Variants in RCAN2 observed in about 807,000 individuals in gnomAD.
RCAN2 encodes the protein calcipressin-2.
A neutral mutation model predicts 23.6 loss-of-function variants in RCAN2; 9 were observed. That is an observed-to-expected ratio of 0.38 (90% CI 0.23 to 0.67). The LOEUF (loss-of-function observed/expected upper bound fraction) is 0.67, where lower values mean the gene tolerates loss of function less well. Among genes scored for constraint, RCAN2 ranks in the 30% least tolerant of loss-of-function variants. The probability of loss-of-function intolerance (pLI) is 0.51; values close to 1 mark genes in which losing one functional copy is unlikely to be tolerated. For missense variants in RCAN2, 273 were observed against 302.3 expected, an observed-to-expected ratio of 0.90 and a Z score of 0.72; for synonymous variants, 109 against 115.7, an observed-to-expected ratio of 0.94 and a Z score of 0.37.
chr6:46,252,847 G>A (rs905403738), intron 2 of RCAN2, among the ~76,000 whole-genome samples: 3 of 152,082 alleles, frequency 2.0e-5, no homozygotes, highest in Non-Finnish European at 2.9e-5. Flanking sequence ...CCAAATATGC[G>A]GTTGGAAAAG....
intron 1 of RCAN2, among the ~76,000 whole-genome samples, chr6:46,461,028 A>T (rs1236034958): frequency 6.6e-6 from 1 of 152,218 alleles, no homozygotes; most frequent in Non-Finnish European, 1.5e-5. Context: ...AATAGCAAAA[A>T]TAACATTAAT....
intron 4 of RCAN2, among the ~76,000 whole-genome samples, chr6:46,239,227 C>CTA (rs1377207539): frequency 3.3e-5 from 5 of 152,190 alleles, no homozygotes; most frequent in Non-Finnish European, 7.4e-5. Context: ...AAAATCATAG[C>CTA]TATTTGGTAG....
At chr6:46,448,533 A>C (rs1042134187) in intron 2 of RCAN2, among the ~76,000 whole-genome samples, 5 of 151,868 alleles carry the variant, frequency 3.3e-5, no homozygotes, top group Non-Finnish European at 7.4e-5. Flanking sequence ...AAGACAAGAA[A>C]ATTATAGACC....
chr6:46,299,686 T>G (rs999243413), intron 2 of RCAN2, among the ~76,000 whole-genome samples: 1 of 152,038 alleles, frequency 6.6e-6, no homozygotes, highest in African/African-American at 2.4e-5. Context: ...TCAACTTATT[T>G]GACTTCTCTG....
intron 4 of RCAN2, among the ~76,000 whole-genome samples, chr6:46,244,721 C>T (rs1241239525): frequency 6.6e-6 from 1 of 152,218 alleles, no homozygotes; most frequent in African/African-American, 2.4e-5. Context: ...CAAATCAGCT[C>T]CCTGCTTCGC....
intron 2 of RCAN2, among the ~76,000 whole-genome samples, chr6:46,393,273 C>A (rs1765986519): frequency 6.6e-6 from 1 of 152,094 alleles, no homozygotes; most frequent in African/African-American, 2.4e-5. Context: ...AAAGCTGAGG[C>A]TAAAACTAAC....
intron 2 of RCAN2, among the ~76,000 whole-genome samples, chr6:46,420,292 T>A (rs1766843177): frequency 6.6e-6 from 1 of 152,160 alleles, no homozygotes. Context: ...TAATACAGAC[T>A]ACCGTGTGCA....
At chr6:46,467,994 G>A (rs932660250) in intron 1 of RCAN2, among the ~76,000 whole-genome samples, 1 of 152,112 alleles carries the variant, frequency 6.6e-6, no homozygotes, top group Non-Finnish European at 1.5e-5. Context: ...TTTACTTTGT[G>A]ATTTTCTGCA....
chr6:46,417,218 C>T (rs921680597), intron 2 of RCAN2, among the ~76,000 whole-genome samples: 9 of 152,096 alleles, frequency 5.9e-5, no homozygotes, highest in South Asian at 2.1e-4. Flanking sequence ...CAGAAAGGTA[C>T]CAATTTACAA....
chr6:46,421,245 G>C (rs1766883274), intron 2 of RCAN2, among the ~76,000 whole-genome samples: 2 of 152,278 alleles, frequency 1.3e-5, no homozygotes, highest in Non-Finnish European at 2.9e-5. Flanking sequence ...GTAAACTTAG[G>C]CAGATTAATC....
At chr6:46,361,507 T>C (rs1004867294) in intron 2 of RCAN2, among the ~76,000 whole-genome samples, 7 of 152,230 alleles carry the variant, frequency 4.6e-5, no homozygotes, top group African/African-American at 1.7e-4. Flanking sequence ...AAAAGTATGT[T>C]GATGCTGCAT....
intron 2 of RCAN2, among the ~76,000 whole-genome samples, chr6:46,455,560 A>G (rs1429933594): frequency 1.4e-5 from 2 of 147,136 alleles, no homozygotes; most frequent in African/African-American, 5.2e-5. Context: ...TTTAGTTTAG[A>G]AAAAAAAAAG....
At chr6:46,261,848 T>A (rs899271662) in intron 2 of RCAN2, among the ~76,000 whole-genome samples, 3 of 152,200 alleles carry the variant, frequency 2.0e-5, no homozygotes, top group African/African-American at 7.2e-5. Context: ...CATGATAAAT[T>A]AAATAATTCT....
At chr6:46,360,242 C>T (rs1291840739) in intron 2 of RCAN2, among the ~76,000 whole-genome samples, 1 of 152,016 alleles carries the variant, frequency 6.6e-6, no homozygotes, top group Non-Finnish European at 1.5e-5. Flanking sequence ...TTAAAGAGAG[C>T]TTGATGTAGG....
chr6:46,477,126 A>G (rs1224023591), intron 1 of RCAN2, among the ~76,000 whole-genome samples: 2 of 152,098 alleles, frequency 1.3e-5, no homozygotes, highest in African/African-American at 2.4e-5. Flanking sequence ...ACCTCCCTCT[A>G]TGTAACTCTT....
intron 1 of RCAN2, among the ~76,000 whole-genome samples, chr6:46,471,411 G>A (rs1768555445): frequency 6.6e-6 from 1 of 152,208 alleles, no homozygotes; most frequent in South Asian, 2.1e-4. Flanking sequence ...AGGAACTTGA[G>A]TCTGGGTGTT....
chr6:46,231,394 T>C (rs963563820), intron 4 of RCAN2, among the ~76,000 whole-genome samples: 1 of 151,240 alleles, frequency 6.6e-6, no homozygotes, highest in Non-Finnish European at 1.5e-5. Flanking sequence ...TTGTCATAAA[T>C]GCCACTCGGT....
intron 2 of RCAN2, among the ~76,000 whole-genome samples, chr6:46,443,259 C>A (rs1472278500): frequency 6.6e-6 from 1 of 152,014 alleles, no homozygotes; most frequent in Non-Finnish European, 1.5e-5. Context: ...ATTTTCCCAC[C>A]CTCAAGTTCC....
At chr6:46,274,542 C>T (rs895175410) in intron 2 of RCAN2, among the ~76,000 whole-genome samples, 3 of 152,124 alleles carry the variant, frequency 2.0e-5, no homozygotes, top group African/African-American at 4.8e-5. Context: ...TGCATCCCCC[C>T]GCCCCATCTT....
Sources: allele counts gnomAD v4.1 joint callset (sites outside exome capture counted in the v4.1 genomes callset), GRCh38; gene constraint gnomAD v4.1.1; transcripts MANE v1.5; gene names NCBI Gene and HGNC (gene_info 2026-07-23, HGNC 2026-07-21).